Variants in HS3ST3B1 observed in about 807,000 individuals in gnomAD.
The protein encoded by HS3ST3B1 is heparan sulfate glucosamine 3-O-sulfotransferase 3B1.
In HS3ST3B1, 13 loss-of-function variants were observed where a neutral mutation model predicts 21.3. The observed-to-expected ratio is 0.61, with a 90% confidence interval of 0.40 to 0.97. HS3ST3B1 has a LOEUF of 0.97. Ranked by LOEUF, HS3ST3B1 falls within the 50% of genes least tolerant of loss-of-function variation. The probability of loss-of-function intolerance (pLI) is 0.00; values close to 1 mark genes in which losing one functional copy is unlikely to be tolerated. For missense variants in HS3ST3B1, 459 were observed against 554.8 expected, an observed-to-expected ratio of 0.83 and a Z score of 1.73; for synonymous variants, 234 against 254.8, an observed-to-expected ratio of 0.92 and a Z score of 0.78.
At chr17:14,313,124 G>GTGAGTATATATATATATATATA (rs1909379909) in intron 1 of HS3ST3B1, among the ~76,000 whole-genome samples, 2 of 128,798 alleles carry the variant, frequency 1.6e-5, no homozygotes, top group Admixed American at 1.6e-4. Flanking sequence ...ATATATATAT[G>GTGAGTATATATATATATATATA]TGTGTGTGTG....
rs1336552133 is a variant in HS3ST3B1, at chr17:14,348,587, C to T, written c.*2941C>T. On this transcript the variant is annotated 3_prime_UTR_variant, in exon 2 of 2. Transcript: ENST00000360954. Reference sequence around the variant, plus strand: ...TCTAGCAATCTGCAAGACCACCAGGCTTAACTTTTTAGCTGCCAGAAGACA... The same window carrying T: ...TCTAGCAATCTGCAAGACCACCAGGTTTAACTTTTTAGCTGCCAGAAGACA... The T allele has an allele frequency of 1.3e-5, 2 of 152,194 alleles. No individual in the cohort carries two copies. Among genetic ancestry groups the T allele is most frequent in the East Asian group, 3.8e-4 (2 of 5,200 alleles). The allele number at this position is 152,194 out of a possible 1,614,324, so 9.4% of individuals were successfully genotyped here. A position where few individuals can be genotyped will look rare whatever the true frequency, so the allele number is the denominator to read the frequency against.
intron 1 of HS3ST3B1, chr17:14,327,604 G>C (rs1459937528): frequency 6.6e-6 from 1 of 152,044 alleles, no homozygotes. Context: ...CAGGATACTG[G>C]GACCATCACC....
Position 14,301,491 on chromosome 17 carries a change from T to G in HS3ST3B1, c.-28T>G, listed in dbSNP as rs755547688. The G allele has an allele frequency of 2.2e-5, 33 of 1,479,218 alleles. No homozygotes were observed. Among genetic ancestry groups the G allele is most frequent in the Non-Finnish European group, 8.9e-7 (1 of 1,123,646 alleles). 91.6% of individuals were successfully genotyped at this position (1,479,218 alleles called of 1,614,324 possible). A position where few individuals can be genotyped will look rare whatever the true frequency, so the allele number is the denominator to read the frequency against. On this transcript the variant is annotated 5_prime_UTR_variant, in exon 1 of 2. It removes an upstream start codon present in the reference 5' UTR. Coordinates refer to ENST00000360954, the MANE Select transcript of HS3ST3B1 (RefSeq NM_006041.3). Reference sequence around the variant, plus strand: ...GGGACCCACGCCATGTGCTGAGCCATGTCCCTGGCCGCGCCCGCGGGCAGC... The same window carrying G: ...GGGACCCACGCCATGTGCTGAGCCAGGTCCCTGGCCGCGCCCGCGGGCAGC...
intron 1 of HS3ST3B1, among the ~76,000 whole-genome samples, chr17:14,341,717 C>T (rs554747884): frequency 6.6e-5 from 10 of 152,158 alleles, no homozygotes; most frequent in Admixed American, 2.6e-4. Flanking sequence ...GCAATGGCCC[C>T]GAAGAACCTT....
At position 14,344,961 on chromosome 17, in the gene HS3ST3B1, G is replaced by C. The variant is rs564307153; in HGVS notation, c.555-67G>C. 6.5e-6 allele frequency: 10 copies of C among 1,545,226 alleles called. No homozygotes were observed. In the South Asian group the frequency reaches 1.3e-4, roughly 20 times the overall value. On this transcript the variant is annotated intron_variant, in intron 1 of 1. Transcript: ENST00000360954. ...AGAGGGAGCTGGGATTAGAAGTCGT[G>C]ACCTTAAGACGTGTGGCCAGAGAGG...
At position 14,301,273 on chromosome 17, in the gene HS3ST3B1, C is replaced by T. The variant is rs566448779; in HGVS notation, c.-246C>T. The T allele has an allele frequency of 5.7e-5, 28 of 494,434 alleles. 1 individual carries two copies. The South Asian group carries it at 8.7e-4, about 15-fold the overall frequency. The allele number at this position is 494,434 out of a possible 1,614,324, so 30.6% of individuals were successfully genotyped here. A position where few individuals can be genotyped will look rare whatever the true frequency, so the allele number is the denominator to read the frequency against. On this transcript the variant is annotated 5_prime_UTR_variant, in exon 1 of 2. Transcript: ENST00000360954. ...GAGCAGACCCTCGCCCAGCAGTTAC[C>T]GCCGTCCCGACTTTCCGTTCCAGTT...
intron 1 of HS3ST3B1, among the ~76,000 whole-genome samples, chr17:14,313,136 A>ATATATATATATATATGTGTGTGTG (rs1567637255): frequency 8.9e-6 from 1 of 112,796 alleles, no homozygotes; most frequent in African/African-American, 3.9e-5. Context: ...GTGTGTGTGT[A>ATATATATATATATATGTGTGTGTG]TATATATATT....
intron 1 of HS3ST3B1, among the ~76,000 whole-genome samples, chr17:14,314,627 A>G (rs1257181269): frequency 6.6e-6 from 1 of 152,208 alleles, no homozygotes; most frequent in African/African-American, 2.4e-5. Context: ...ATACAAATCC[A>G]GATTTCCTGC....
At chr17:14,314,504 A>G (rs571637989) in intron 1 of HS3ST3B1, among the ~76,000 whole-genome samples, 1 of 152,282 alleles carries the variant, frequency 6.6e-6, no homozygotes, top group South Asian at 2.1e-4. Context: ...TACCACCACC[A>G]GTTAGTTTTG....
chr17:14,340,214 T>C (rs541452477), intron 1 of HS3ST3B1, among the ~76,000 whole-genome samples: 104 of 152,272 alleles, frequency 6.8e-4, no homozygotes, highest in Non-Finnish European at 9.4e-4. Flanking sequence ...AAACCCAATC[T>C]TAGCAAAGGC....
intron 1 of HS3ST3B1, among the ~76,000 whole-genome samples, chr17:14,311,835 C>T (rs1489198937): frequency 6.6e-6 from 1 of 152,130 alleles, no homozygotes; most frequent in Non-Finnish European, 1.5e-5. Context: ...CGTTTCTCTG[C>T]AGGGCCTCCT....
intron 1 of HS3ST3B1, chr17:14,328,064 G>A (rs986084326): frequency 2.0e-5 from 3 of 152,128 alleles, no homozygotes; most frequent in Non-Finnish European, 2.9e-5. Context: ...CGTTCCTTAC[G>A]GGTGAAGAAT....
intron 1 of HS3ST3B1, among the ~76,000 whole-genome samples, chr17:14,334,553 C>T (rs1483407283): frequency 6.6e-6 from 1 of 152,080 alleles, no homozygotes; most frequent in Non-Finnish European, 1.5e-5. Context: ...TCAACCCCTA[C>T]ATGCATAAAC....
In HS3ST3B1 at chr17:14,301,524, G is replaced by A. The variant is rs1168896095; in HGVS notation, c.6G>A (p.Gly2=). 1.3e-6 allele frequency: 2 copies of A among 1,557,530 alleles called. No individual in the cohort carries two copies. Among genetic ancestry groups the A allele is most frequent in the Non-Finnish European group, 1.7e-6 (2 of 1,160,454 alleles). ...GCCGCGCCCGCGGGCAGCGCATGGG[G>A]CAGCGCCTGAGTGGCGGCAGATCTT... The part of the protein sequence containing the change: M[G]QRLSGGRSCL... Residue 2 remains glycine (G), a synonymous_variant, in exon 1 of 2, where the codon GGG becomes GGA. Coordinates refer to ENST00000360954, the MANE Select transcript of HS3ST3B1 (RefSeq NM_006041.3).
Position 14,345,656 on chromosome 17 carries a change from G to T in HS3ST3B1, c.*10G>T. ...CTTTGGCTGGGATTGAGCAGACCCG[G>T]GCTATGTACCTTACCCACGTGGCTT... On this transcript the variant is annotated 3_prime_UTR_variant, in exon 2 of 2. Coordinates refer to ENST00000360954, the MANE Select transcript of HS3ST3B1 (RefSeq NM_006041.3). 6.2e-7 allele frequency: 1 copy of T among 1,610,968 alleles called. No individual in the cohort carries two copies. Among genetic ancestry groups the T allele is most frequent in the Admixed American group, 1.7e-5 (1 of 59,930 alleles).
intron 1 of HS3ST3B1, among the ~76,000 whole-genome samples, chr17:14,321,003 C>T (rs1909643166): frequency 6.6e-6 from 1 of 152,174 alleles, no homozygotes; most frequent in South Asian, 2.1e-4. Flanking sequence ...TGTGTGTGTA[C>T]AACCTTGATT....
At chr17:14,338,428 T>C (rs541225310) in intron 1 of HS3ST3B1, among the ~76,000 whole-genome samples, 1 of 151,540 alleles carries the variant, frequency 6.6e-6, no homozygotes, top group South Asian at 2.1e-4. Flanking sequence ...CCAGCCCATA[T>C]ACCTTTCTTT....
intron 1 of HS3ST3B1, among the ~76,000 whole-genome samples, chr17:14,336,843 CT>C (rs2142349320): frequency 6.6e-6 from 1 of 152,122 alleles, no homozygotes; most frequent in East Asian, 1.9e-4. Context: ...TCCTTCCATC[CT>C]TTCTTTCTTT....
intron 1 of HS3ST3B1, among the ~76,000 whole-genome samples, chr17:14,309,347 A>C (rs9914187): frequency 0.97 from 147,573 of 152,280 alleles, 71,704 homozygotes; most frequent in East Asian, 1. Flanking sequence ...CCCCGCCCCT[A>C]GGCTGGCCGG....
Sources: gnomAD v4.1 joint callset for allele counts (sites outside exome capture counted in the v4.1 genomes callset) on GRCh38, gnomAD v4.1.1 for gene constraint, MANE v1.5 for transcripts, NCBI Gene and HGNC (gene_info 2026-07-23, HGNC 2026-07-21) for gene names.